GRB14: variants seen among roughly 807,000 people sequenced by gnomAD.
GRB14 encodes growth factor receptor-bound protein 14.
Under a neutral mutation model 69.1 loss-of-function variants are expected in GRB14, and 38 were observed. The observed-to-expected ratio is 0.55, with a 90% CI of 0.42 to 0.72. The LOEUF is 0.72. Ranked by LOEUF, GRB14 falls within the 30% of genes least tolerant of loss-of-function variation. The pLI is 0.00. For missense variants in GRB14, 666 were observed against 666.1 expected, an observed-to-expected ratio of 1.00 and a Z score of 0.00; for synonymous variants, 247 against 241.3, an observed-to-expected ratio of 1.02 and a Z score of -0.22.
At chr2:164,617,810 G>A (rs1191329473) in intron 2 of GRB14, among the ~76,000 whole-genome samples, 2 of 152,034 alleles carry the variant, frequency 1.3e-5, no homozygotes, top group Non-Finnish European at 2.9e-5. Flanking sequence ...TGCTTAGCTA[G>A]GGTCCTTACT....
At chr2:164,594,591 A>T (rs965241965) in intron 2 of GRB14, among the ~76,000 whole-genome samples, 1 of 152,168 alleles carries the variant, frequency 6.6e-6, no homozygotes. Context: ...AATAATGCTC[A>T]TTATCTACCA....
intron 2 of GRB14, among the ~76,000 whole-genome samples, chr2:164,602,702 C>T (rs1203317575): frequency 1.3e-5 from 2 of 152,082 alleles, no homozygotes; most frequent in Non-Finnish European, 2.9e-5. Context: ...AGTATGTGCC[C>T]GGCACAAGGC....
At chr2:164,549,652 C>A (rs1356078673) in intron 2 of GRB14, among the ~76,000 whole-genome samples, 1 of 152,000 alleles carries the variant, frequency 6.6e-6, no homozygotes, top group Non-Finnish European at 1.5e-5. Flanking sequence ...CACATGAGGT[C>A]AGGAGTTCAA....
intron 6 of GRB14, among the ~76,000 whole-genome samples, chr2:164,521,036 T>C (rs1259510343): frequency 6.6e-6 from 1 of 152,080 alleles, no homozygotes; most frequent in African/African-American, 2.4e-5. Context: ...AGTCATTATA[T>C]GAAAAAGATA....
intron 2 of GRB14, among the ~76,000 whole-genome samples, chr2:164,562,837 T>G (rs66529941): frequency 2.0e-5 from 3 of 152,060 alleles, no homozygotes; most frequent in Non-Finnish European, 2.9e-5. Context: ...AAACTCTGGG[T>G]TTCCTGGCTC....
At position 164,526,995 on chromosome 2, in the gene GRB14, T is replaced by G; in HGVS notation, c.603+19A>C. 6.5e-7 allele frequency: 1 copy of G among 1,541,212 alleles called. No individual in the cohort carries two copies. The highest frequency in any genetic ancestry group is 8.8e-7 in the Non-Finnish European group (1 of 1,133,700). On this transcript the variant is annotated intron_variant, in intron 4 of 13. Transcript: ENST00000263915. ...GGGTTCATTTATTTTCCGTAACTAT[T>G]AGGAGGGATTTCACTTACCATTGGG... is the stretch of plus-strand genomic sequence containing the variant.
intron 2 of GRB14, among the ~76,000 whole-genome samples, chr2:164,573,159 C>G (rs1246284611): frequency 6.6e-6 from 1 of 152,188 alleles, no homozygotes; most frequent in African/African-American, 2.4e-5. Context: ...ATAAATCCTT[C>G]AACAGGCTCT....
chr2:164,568,459 T>C (rs1362187323), intron 2 of GRB14: 9 of 1,211,664 alleles, frequency 7.4e-6, no homozygotes, highest in Non-Finnish European at 9.5e-6. Context: ...CTTGGGAATC[T>C]CAGGGCTCAG....
At chr2:164,542,116 T>C (rs779473231) in intron 3 of GRB14, among the ~76,000 whole-genome samples, 2 of 152,000 alleles carry the variant, frequency 1.3e-5, no homozygotes, top group Admixed American at 1.3e-4. Context: ...AACCCAGAAA[T>C]AAAGCCATAC....
intron 13 of GRB14, 145 bp from the exon 14 acceptor site, chr2:164,493,327 C>T: frequency 1.5e-6 from 1 of 661,556 alleles, no homozygotes; most frequent in Non-Finnish European, 2.4e-6. Flanking sequence ...GGCATATCTA[C>T]TTGTTTTTTT....
At chr2:164,601,512 A>T (rs1689913309) in intron 2 of GRB14, among the ~76,000 whole-genome samples, 1 of 152,148 alleles carries the variant, frequency 6.6e-6, no homozygotes, top group Non-Finnish European at 1.5e-5. Context: ...TTTGTGTTAG[A>T]TAGGCAGGGC....
intron 5 of GRB14, among the ~76,000 whole-genome samples, chr2:164,524,246 C>T (rs977002311): frequency 1.3e-5 from 2 of 152,002 alleles, no homozygotes; most frequent in South Asian, 2.1e-4. Context: ...TGAGCTCAAA[C>T]GGCAACCATT....
intron 4 of GRB14, among the ~76,000 whole-genome samples, 160 bp downstream of exon 4, chr2:164,526,854 A>G (rs950039637): frequency 3.3e-5 from 5 of 151,948 alleles, no homozygotes; most frequent in African/African-American, 1.2e-4. Flanking sequence ...TTCACTAATC[A>G]TTGTTAGCAT....
At chr2:164,604,245 C>G (rs1030517107) in intron 2 of GRB14, among the ~76,000 whole-genome samples, 35 of 152,028 alleles carry the variant, frequency 2.3e-4, no homozygotes, top group Non-Finnish European at 8.8e-5. Flanking sequence ...ATAGAGAAAC[C>G]CTTGCACACA....
At chr2:164,524,114 C>T (rs1026781334) in intron 5 of GRB14, among the ~76,000 whole-genome samples, 1 of 152,040 alleles carries the variant, frequency 6.6e-6, no homozygotes, top group African/African-American at 2.4e-5. Flanking sequence ...AAAAAGCCCA[C>T]AGAAAAATCC....
intron 2 of GRB14, among the ~76,000 whole-genome samples, chr2:164,605,293 A>T (rs1690016949): frequency 6.6e-6 from 1 of 152,222 alleles, no homozygotes; most frequent in East Asian, 1.9e-4. Flanking sequence ...CTTATTTTCT[A>T]GTACAGGAAG....
chr2:164,520,701 A>G (rs1248571696), intron 6 of GRB14, among the ~76,000 whole-genome samples: 1 of 152,092 alleles, frequency 6.6e-6, no homozygotes, highest in Non-Finnish European at 1.5e-5. Context: ...CGCTGAAGAC[A>G]TCAATAAAAA....
intron 2 of GRB14, among the ~76,000 whole-genome samples, chr2:164,561,679 C>T (rs2105322715): frequency 6.6e-6 from 1 of 152,308 alleles, no homozygotes; most frequent in South Asian, 2.1e-4. Flanking sequence ...CCACCTCTGT[C>T]ATTTATGAGC....
In GRB14 at chr2:164,508,862, A is replaced by T. The variant is rs368568807; in HGVS notation, c.817-10T>A. The stretch of plus-strand genomic sequence containing the variant: ...GCAAATGCCGCGGTTCCTTAAAAAA[A>T]AAAGTATTGACATGGATACATATTT... On this transcript the variant is annotated splice_polypyrimidine_tract_variant and intron_variant, in intron 6 of 13. Coordinates refer to ENST00000263915, the MANE Select transcript of GRB14 (RefSeq NM_004490.3). 4 of 1,552,676 alleles carry T rather than the reference A, an allele frequency of 2.6e-6. No individual in the cohort carries two copies. The highest frequency in any genetic ancestry group is 3.5e-6 in the Non-Finnish European group (4 of 1,149,064).
Sources: allele counts gnomAD v4.1 joint callset (sites outside exome capture counted in the v4.1 genomes callset), GRCh38; gene constraint gnomAD v4.1.1; transcripts MANE v1.5; gene names NCBI Gene and HGNC (gene_info 2026-07-23, HGNC 2026-07-21).